ATRNL1: variants seen among roughly 807,000 people sequenced by gnomAD.
ATRNL1 encodes the protein attractin-like protein 1.
A neutral mutation model predicts 182.7 loss-of-function variants in ATRNL1; 95 were observed. The ratio of observed to expected loss-of-function variants is 0.52; its 90% CI spans 0.44 to 0.62. The LOEUF is 0.62. Ranked by LOEUF, ATRNL1 falls within the 20% of genes least tolerant of loss-of-function variation. The probability of loss-of-function intolerance (pLI) is 0.00; values close to 1 mark genes in which losing one functional copy is unlikely to be tolerated. For missense variants in ATRNL1, 1,471 were observed against 1,679.5 expected, an observed-to-expected ratio of 0.88 and a Z score of 2.17; for synonymous variants, 576 against 568.3, an observed-to-expected ratio of 1.01 and a Z score of -0.19.
At chr10:115,652,987 T>C (rs1860107771) in intron 26 of ATRNL1, among the ~76,000 whole-genome samples, 1 of 152,176 alleles carries the variant, frequency 6.6e-6, no homozygotes, top group Admixed American at 6.5e-5. Flanking sequence ...AAGCTTTTGA[T>C]TTATTTTTAA....
chr10:115,530,544 G>T (rs976647721), intron 25 of ATRNL1, among the ~76,000 whole-genome samples: 2 of 152,084 alleles, frequency 1.3e-5, no homozygotes, highest in African/African-American at 2.4e-5. Context: ...AACAATCAAA[G>T]ATGACTACAT....
chr10:115,148,222 T>G (rs1554879778), intron 5 of ATRNL1, among the ~76,000 whole-genome samples: 2 of 152,172 alleles, frequency 1.3e-5, no homozygotes, highest in African/African-American at 4.8e-5. Context: ...TTGTATTGCC[T>G]TCTTGATTTC....
chr10:115,536,639 G>T (rs1554990513), intron 25 of ATRNL1, among the ~76,000 whole-genome samples: 1 of 152,148 alleles, frequency 6.6e-6, no homozygotes, highest in Non-Finnish European at 1.5e-5. Flanking sequence ...CCACTGTCTG[G>T]CACTCCCTAG....
intron 3 of ATRNL1, among the ~76,000 whole-genome samples, chr10:115,122,641 A>G (rs1554872091): frequency 2.6e-5 from 4 of 152,066 alleles, no homozygotes. Flanking sequence ...TGTGGCAAAT[A>G]TTCTATTTCA....
At chr10:115,257,248 A>G (rs1851187769) in intron 10 of ATRNL1, among the ~76,000 whole-genome samples, 1 of 152,068 alleles carries the variant, frequency 6.6e-6, no homozygotes. Context: ...TCCCATTATT[A>G]TTGTGTGGGA....
intron 26 of ATRNL1, among the ~76,000 whole-genome samples, chr10:115,621,276 T>TATATATATATATATATAG (rs1268020830): frequency 5.0e-4 from 24 of 47,560 alleles, no homozygotes; most frequent in Non-Finnish European, 5.4e-4. Flanking sequence ...TATATATATA[T>TATATATATATATATATAG]AGAGAGAGAG....
chr10:115,346,649 G>A (rs1415938201), intron 19 of ATRNL1, among the ~76,000 whole-genome samples: 1 of 152,038 alleles, frequency 6.6e-6, no homozygotes, highest in Non-Finnish European at 1.5e-5. Flanking sequence ...GAGTATTTGT[G>A]TCTTTTCATA....
Position 115,509,239 on chromosome 10 carries a change from A to C in ATRNL1, c.3655-10024A>C, listed in dbSNP as rs1850267247. On this transcript the variant is annotated intron_variant, in intron 24 of 28. Transcript: ENST00000355044. ...TTTCAAAATAGTACAGCTCATTCAC[A>C]GTATACCTAGTCACTCAAGAGCTTT... Among the ~76,000 whole-genome samples, 6 of 152,204 alleles carry C rather than the reference A, an allele frequency of 3.9e-5. No individual in the cohort carries two copies. In the Middle Eastern group the frequency reaches 0.017, roughly 431 times the overall value.
intron 21 of ATRNL1, among the ~76,000 whole-genome samples, chr10:115,438,526 T>C (rs1554965140): frequency 6.6e-6 from 1 of 152,068 alleles, no homozygotes; most frequent in Non-Finnish European, 1.5e-5. Flanking sequence ...ATCTGACTTC[T>C]TTAAACATCT....
At chr10:115,148,426 T>G (rs1400014932) in intron 5 of ATRNL1, among the ~76,000 whole-genome samples, 1 of 152,212 alleles carries the variant, frequency 6.6e-6, no homozygotes, top group African/African-American at 2.4e-5. Flanking sequence ...TTTGGATGCA[T>G]TTTCTTTCTT....
intron 27 of ATRNL1, among the ~76,000 whole-genome samples, chr10:115,738,369 A>T (rs1388110223): frequency 6.6e-6 from 1 of 151,460 alleles, no homozygotes; most frequent in Non-Finnish European, 1.5e-5. Context: ...TGAACTCCCG[A>T]CCTCAGGTAA....
chr10:115,356,861 T>G (rs1856527564), intron 19 of ATRNL1, among the ~76,000 whole-genome samples: 1 of 152,026 alleles, frequency 6.6e-6, no homozygotes, highest in South Asian at 2.1e-4. Context: ...CAATGAAGTG[T>G]GTCATTTACT....
At chr10:115,498,746 AT>A (rs1314680931) in intron 24 of ATRNL1, among the ~76,000 whole-genome samples, 1 of 151,972 alleles carries the variant, frequency 6.6e-6, no homozygotes, top group Non-Finnish European at 1.5e-5. Context: ...CTATTAATGT[AT>A]TTTTATAATG....
At chr10:115,401,057 T>C (rs572090247) in intron 20 of ATRNL1, among the ~76,000 whole-genome samples, 115 of 152,120 alleles carry the variant, frequency 7.6e-4, no homozygotes, top group Non-Finnish European at 1.3e-3. Flanking sequence ...AGATAAACAT[T>C]GATTTATTAG....
chr10:115,626,901 C>A (rs188207601), intron 26 of ATRNL1, among the ~76,000 whole-genome samples: 1 of 152,216 alleles, frequency 6.6e-6, no homozygotes, highest in East Asian at 1.9e-4. Flanking sequence ...TCTTGAATAT[C>A]CTCAGCACAT....
intron 27 of ATRNL1, among the ~76,000 whole-genome samples, chr10:115,812,532 A>G (rs1277850371): frequency 6.6e-6 from 1 of 152,172 alleles, no homozygotes; most frequent in Non-Finnish European, 1.5e-5. Flanking sequence ...GCTGGAGTGC[A>G]ATGGCACGAT....
At position 115,435,212 on chromosome 10, in the gene ATRNL1, G is replaced by C. The variant is rs542328876; in HGVS notation, c.3322+8910G>C. 1.4e-4 allele frequency among the ~76,000 whole-genome samples: 22 copies of C among 151,988 alleles called. 1 individual carries two copies. In the South Asian group the frequency reaches 4.4e-3, roughly 30 times the overall value. On this transcript the variant is annotated intron_variant, in intron 21 of 28. Coordinates refer to ENST00000355044, the MANE Select transcript of ATRNL1 (RefSeq NM_207303.4). ...GTTTTTGTATTTTTAGTAGAGACGG[G>C]GTTTCACCGTGTTAGCCAGGATGGT...
intron 5 of ATRNL1, among the ~76,000 whole-genome samples, chr10:115,144,539 C>T (rs782105753): frequency 1.3e-5 from 2 of 151,980 alleles, no homozygotes; most frequent in Admixed American, 1.3e-4. Context: ...GTGGTCTGCC[C>T]GCCTTAGCCG....
At chr10:115,535,088 G>C (rs1410617904) in intron 25 of ATRNL1, among the ~76,000 whole-genome samples, 1 of 150,402 alleles carries the variant, frequency 6.6e-6, no homozygotes, top group African/African-American at 2.4e-5. Flanking sequence ...TATGTGTCTT[G>C]GAGTTGCTCT....
Sources: gnomAD v4.1 joint callset for allele counts (sites outside exome capture counted in the v4.1 genomes callset) on GRCh38, gnomAD v4.1.1 for gene constraint, MANE v1.5 for transcripts, NCBI Gene and HGNC (gene_info 2026-07-23, HGNC 2026-07-21) for gene names.